MRPL3: variants seen among roughly 807,000 people sequenced by gnomAD.
MRPL3 encodes mitochondrial ribosomal protein L3.
A neutral mutation model predicts 44.3 loss-of-function variants in MRPL3; 43 were observed. The observed-to-expected ratio is 0.97, with a 90% CI of 0.76 to 1.25. MRPL3 has a LOEUF of 1.25. Ranked by LOEUF, MRPL3 falls within the 50% of genes most tolerant of loss-of-function variation. The pLI, the probability that MRPL3 is intolerant of heterozygous loss-of-function variation, is 0.00. For synonymous variants in MRPL3, 171 were observed against 152.3 expected, an observed-to-expected ratio of 1.12 and a Z score of -0.91; for missense variants, 406 against 427.6, an observed-to-expected ratio of 0.95 and a Z score of 0.45.
intron 4 of MRPL3, 61 bp from the exon 5 acceptor site, chr3:131,490,141 T>C (rs1934223082): frequency 8.2e-7 from 1 of 1,213,702 alleles, no homozygotes; most frequent in East Asian, 2.4e-5. Flanking sequence ...ATTAAATGCA[T>C]GGAGATCTAA....
At chr3:131,502,627 C>A in intron 1 of MRPL3, 103 bp downstream of exon 1, 2 of 904,214 alleles carry the variant, frequency 2.2e-6, no homozygotes, top group Non-Finnish European at 3.4e-6. Flanking sequence ...CACGTCTCAA[C>A]AGAGCCCCTT....
chr3:131,496,494 CACT>C (rs760033610), intron 4 of MRPL3, among the ~76,000 whole-genome samples: 3 of 152,166 alleles, frequency 2.0e-5, no homozygotes. Flanking sequence ...TTTCCACCAC[CACT>C]TATTGACTAA....
At chr3:131,466,916 A>G (rs1195445087) in intron 9 of MRPL3, among the ~76,000 whole-genome samples, 3 of 151,982 alleles carry the variant, frequency 2.0e-5, no homozygotes, top group Non-Finnish European at 4.4e-5. Flanking sequence ...CAGTCACCCT[A>G]CTATATAACA....
Position 131,486,898 on chromosome 3 carries a change from T to C in MRPL3, c.629+782A>G, listed in dbSNP as rs192146440. On this transcript the variant is annotated intron_variant, in intron 6 of 9. Coordinates refer to ENST00000264995, the MANE Select transcript of MRPL3 (RefSeq NM_007208.4). ...ACCATTATGGAAGACAGTGTGGCGATTCCTCAAGGATCTAGAACTAGAAAT... is the reference window on the plus strand; with the variant it reads ...ACCATTATGGAAGACAGTGTGGCGACTCCTCAAGGATCTAGAACTAGAAAT... 3.3e-3 allele frequency among the ~76,000 whole-genome samples: 504 copies of C among 152,290 alleles called. 2 individuals are homozygous for C. The highest frequency in any genetic ancestry group is 0.012 in the African/African-American group (488 of 41,556).
rs777785178 is a variant in MRPL3, at chr3:131,502,741, G to C, written c.81C>G (p.Gly27=). 6.2e-6 allele frequency: 10 copies of C among 1,610,386 alleles called. No homozygotes were observed. The highest frequency in any genetic ancestry group is 3.3e-4 in the Middle Eastern group (2 of 6,050). ...TCACACCTTCCTACCTGTTCCCCGG[G>C]CCCAGGGCAGCACCCAGGCCGTCCC... ...RLGDGLGAAL[G]PGNRTHIWLF... Residue 27 remains glycine (G), a synonymous_variant, in exon 1 of 10, where the codon GGC becomes GGG. Transcript: ENST00000264995.
chr3:131,489,062 CAA>C (rs1324217577), intron 5 of MRPL3, among the ~76,000 whole-genome samples: 7 of 151,940 alleles, frequency 4.6e-5, no homozygotes, highest in Admixed American at 1.3e-4. Context: ...TAAACATAAA[CAA>C]AGAGTTTAAG....
In MRPL3 at chr3:131,462,691, G is replaced by A; in HGVS notation, c.*32C>T. On this transcript the variant is annotated 3_prime_UTR_variant, in exon 10 of 10. Transcript: ENST00000264995. ...TCACTCTGGCTCATCGAAGCTCACA[G>A]AATATGTAAGGTTCTGCCACGTCCA... is the stretch of plus-strand genomic sequence containing the variant. The A allele has an allele frequency of 6.3e-7, 1 of 1,578,998 alleles. No individual in the cohort carries two copies. Among genetic ancestry groups the A allele is most frequent in the Non-Finnish European group, 8.6e-7 (1 of 1,158,296 alleles).
At chr3:131,486,699 A>G (rs577215488) in intron 6 of MRPL3, among the ~76,000 whole-genome samples, 10 of 152,216 alleles carry the variant, frequency 6.6e-5, no homozygotes, top group African/African-American at 2.4e-4. Context: ...GCCAACAGAC[A>G]CATGAAAAAA....
chr3:131,473,114 A>G (rs1933775875), intron 6 of MRPL3, among the ~76,000 whole-genome samples: 1 of 152,196 alleles, frequency 6.6e-6, no homozygotes, highest in Non-Finnish European at 1.5e-5. Flanking sequence ...AGCAATCCTG[A>G]GTAAGAATAA....
At position 131,462,696 on chromosome 3, in the gene MRPL3, T is replaced by A. The variant is rs1438532012; in HGVS notation, c.*27A>T. 6.3e-7 allele frequency: 1 copy of A among 1,594,196 alleles called. No individual in the cohort carries two copies. The highest frequency in any genetic ancestry group is 1.7e-5 in the Admixed American group (1 of 58,670). On this transcript the variant is annotated 3_prime_UTR_variant, in exon 10 of 10. Transcript: ENST00000264995. The stretch of plus-strand genomic sequence containing the variant: ...CTGGCTCATCGAAGCTCACAGAATA[T>A]GTAAGGTTCTGCCACGTCCAAAGAT...
intron 9 of MRPL3, among the ~76,000 whole-genome samples, chr3:131,465,902 T>TG (rs1438853789): frequency 2.7e-5 from 4 of 150,858 alleles, no homozygotes; most frequent in Admixed American, 6.6e-5. Context: ...TTTTTTTTTT[T>TG]TTTTTGTTTT....
At chr3:131,482,213 C>T (rs895066931) in intron 6 of MRPL3, among the ~76,000 whole-genome samples, 2 of 152,066 alleles carry the variant, frequency 1.3e-5, no homozygotes, top group African/African-American at 4.8e-5. Context: ...CCTCCACCCC[C>T]CTCCCCTTAA....
chr3:131,498,208 C>T lies in MRPL3; in HGVS notation c.439G>A (p.Val147Ile). 6.2e-7 allele frequency: 1 copy of T among 1,610,674 alleles called. No individual in the cohort carries two copies. The highest frequency in any genetic ancestry group is 8.5e-7 in the Non-Finnish European group (1 of 1,176,928). Residue 147 changes from valine to isoleucine, a missense_variant, in exon 4 of 10, where the codon GTA (valine) becomes ATA (isoleucine). Physicochemically the swap from Val to Ile is conservative, Grantham distance 29. Transcript: ENST00000264995. ...AAACGTGATACAGTTTTTCCTCCTA[C>T]AGACAGGGTTGCCATTTTTCCATTA... ...NCNGKMATLS[V>I]GGKTVSRFRK... is the part of the protein sequence containing the mutation.
chr3:131,470,549 T>A (rs1933716023), intron 7 of MRPL3, among the ~76,000 whole-genome samples: 1 of 152,090 alleles, frequency 6.6e-6, no homozygotes, highest in Admixed American at 6.6e-5. Context: ...AGACTAAGTA[T>A]CACTCTTATT....
At chr3:131,500,392 C>A (rs1357923603) in intron 3 of MRPL3, 38 bp downstream of exon 3, 2 of 1,512,706 alleles carry the variant, frequency 1.3e-6, no homozygotes, top group African/African-American at 1.4e-5. Flanking sequence ...GATCTTGAAA[C>A]ACATAGATAT....
chr3:131,484,077 G>A (rs1473659330), intron 6 of MRPL3, among the ~76,000 whole-genome samples: 2 of 152,054 alleles, frequency 1.3e-5, no homozygotes, highest in Non-Finnish European at 1.5e-5. Context: ...TATTGGCAAT[G>A]TTATTTTAAT....
chr3:131,476,020 C>G (rs2110699774), intron 6 of MRPL3, among the ~76,000 whole-genome samples: 1 of 152,290 alleles, frequency 6.6e-6, no homozygotes, highest in Non-Finnish European at 1.5e-5. Flanking sequence ...AACTGATGAT[C>G]TCTTACTTAA....
intron 6 of MRPL3, among the ~76,000 whole-genome samples, chr3:131,486,944 C>A (rs185046173): frequency 0.022 from 3,420 of 152,262 alleles, 128 homozygotes; most frequent in African/African-American, 0.078. Context: ...CCAGCAATCC[C>A]ATTACTGGGT....
At chr3:131,484,949 T>C (rs1407728129) in intron 6 of MRPL3, among the ~76,000 whole-genome samples, 1 of 152,150 alleles carries the variant, frequency 6.6e-6, no homozygotes, top group East Asian at 1.9e-4. Flanking sequence ...ACAGTAAAAG[T>C]TAAACAGAAT....
Sources: gnomAD v4.1 joint callset for allele counts (sites outside exome capture counted in the v4.1 genomes callset) on GRCh38, gnomAD v4.1.1 for gene constraint, MANE v1.5 for transcripts, NCBI Gene and HGNC (gene_info 2026-07-23, HGNC 2026-07-21) for gene names.